Variants in WASHC5 observed in about 807,000 individuals in gnomAD.
The protein encoded by WASHC5 is WASH complex subunit strumpellin.
Under a neutral mutation model 150.4 loss-of-function variants are expected in WASHC5, and 101 were observed. That is an observed-to-expected ratio of 0.67 (90% CI 0.57 to 0.79). The LOEUF (loss-of-function observed/expected upper bound fraction) is 0.79, where lower values mean the gene tolerates loss of function less well. Among genes scored for constraint, WASHC5 ranks in the 30% least tolerant of loss-of-function variants. WASHC5 has a pLI of 0.00. For synonymous variants in WASHC5, 467 were observed against 491.2 expected (o/e 0.95, Z 0.65); for missense variants, 1,195 against 1,396.3 (o/e 0.86, Z 2.30).
At chr8:125,025,631 T>A (rs534710392) in intron 28 of WASHC5, among the ~76,000 whole-genome samples, 1 of 152,188 alleles carries the variant, frequency 6.6e-6, no homozygotes, top group Admixed American at 6.5e-5. Context: ...GAGGCTGTAG[T>A]GAGCCCAGAT....
At chr8:125,084,053 A>C in intron 1 of WASHC5, 31 bp from the exon 2 acceptor site, 1 of 727,838 alleles carries the variant, frequency 1.4e-6, no homozygotes, top group Non-Finnish European at 2.4e-6. Context: ...TGAAAATCTC[A>C]ATTTGTTTAA....
intron 8 of WASHC5, 73 bp from the exon 9 acceptor site, chr8:125,073,397 T>C: frequency 8.0e-7 from 1 of 1,249,942 alleles, no homozygotes; most frequent in South Asian, 1.2e-5. Context: ...TCAAATGAAT[T>C]CACTGACAAA....
intron 1 of WASHC5, among the ~76,000 whole-genome samples, chr8:125,089,823 A>C (rs1468761030): frequency 6.6e-6 from 1 of 152,242 alleles, no homozygotes; most frequent in Non-Finnish European, 1.5e-5. Context: ...CTTTAAAAGA[A>C]CATGAGGAGG....
intron 1 of WASHC5, among the ~76,000 whole-genome samples, chr8:125,087,621 G>A (rs1211128359): frequency 6.6e-6 from 1 of 151,628 alleles, no homozygotes; most frequent in Non-Finnish European, 1.5e-5. Context: ...TAGTCCCAGT[G>A]ACAAGGGAGG....
chr8:125,057,719 A>C, intron 14 of WASHC5, 53 bp from the exon 15 acceptor site: 1 of 1,154,670 alleles, frequency 8.7e-7, no homozygotes, highest in South Asian at 1.3e-5. Flanking sequence ...AGTCCTAGAA[A>C]TCTTTCTTTC....
intron 1 of WASHC5, among the ~76,000 whole-genome samples, chr8:125,086,178 T>C (rs77909072): frequency 0.027 from 4,111 of 152,278 alleles, 205 homozygotes; most frequent in African/African-American, 0.095. Flanking sequence ...ACCACATTTA[T>C]TTTGTCACAA....
intron 1 of WASHC5, among the ~76,000 whole-genome samples, chr8:125,090,091 G>A (rs1259057495): frequency 1.3e-5 from 2 of 152,204 alleles, no homozygotes; most frequent in Non-Finnish European, 2.9e-5. Context: ...GATGGAAGAA[G>A]TTAAAACAAG....
chr8:125,037,713 A>T (rs1237347397), intron 25 of WASHC5, among the ~76,000 whole-genome samples: 1 of 151,850 alleles, frequency 6.6e-6, no homozygotes, highest in Non-Finnish European at 1.5e-5. Context: ...GAGAGAGAAG[A>T]GAGAGAGAGG....
At chr8:125,046,304 AG>A (rs142714589) in intron 20 of WASHC5, among the ~76,000 whole-genome samples, 6,503 of 152,236 alleles carry the variant, frequency 0.043, 441 homozygotes, top group African/African-American at 0.15. Context: ...AAGAAAAAGG[AG>A]GAAAACTGGC....
chr8:125,084,648 C>T (rs751292370), intron 1 of WASHC5, among the ~76,000 whole-genome samples: 10 of 152,228 alleles, frequency 6.6e-5, no homozygotes, highest in Non-Finnish European at 1.3e-4. Flanking sequence ...AATGCACTCT[C>T]TGAGGATGGT....
chr8:125,067,526 T>C, intron 10 of WASHC5, 66 bp downstream of exon 10: 1 of 1,383,100 alleles, frequency 7.2e-7, no homozygotes, highest in Non-Finnish European at 1.0e-6. Context: ...CTAGTCTTTT[T>C]TTTAAAAAAT....
rs1212332430 is a variant in WASHC5, at chr8:125,037,255, G to A, written c.3163C>T (p.Gln1055Ter). ...TACGTACCCAGATTTTTGTTGTATT[G>A]AAGTTTTGGCAACTGAGCGATCAAA... ...LFLIAQLPKL[Q>*]YNKNLGMVCR... The change falls in exon 26 of 29, where the codon CAA becomes TAA. Residue 1055 changes from glutamine (Q) to a stop codon, truncating the protein, a stop_gained. Coordinates refer to ENST00000318410, the MANE Select transcript of WASHC5 (RefSeq NM_014846.4). LOFTEE classifies it high-confidence loss of function. 3.1e-6 allele frequency: 5 copies of A among 1,604,934 alleles called. No homozygotes were observed. In the Admixed American group the frequency reaches 6.7e-5, roughly 21 times the overall value.
chr8:125,076,963 G>A (rs1053137869), intron 6 of WASHC5, among the ~76,000 whole-genome samples: 1 of 151,970 alleles, frequency 6.6e-6, no homozygotes, highest in Non-Finnish European at 1.5e-5. Flanking sequence ...CCAATTCAAC[G>A]GCTTCTTTTT....
At chr8:125,048,129 G>A (rs887348150) in intron 19 of WASHC5, among the ~76,000 whole-genome samples, 1 of 152,170 alleles carries the variant, frequency 6.6e-6, no homozygotes, top group Non-Finnish European at 1.5e-5. Flanking sequence ...GGTGACAAAC[G>A]AGAAGCGAGA....
At chr8:125,058,473 G>A (rs1179208538) in intron 14 of WASHC5, among the ~76,000 whole-genome samples, 4 of 152,082 alleles carry the variant, frequency 2.6e-5, no homozygotes, top group Admixed American at 1.3e-4. Context: ...TAGGCTGGGC[G>A]TGGGGGCTCA....
chr8:125,024,938 T>C (rs1441614349), intron 28 of WASHC5, among the ~76,000 whole-genome samples: 3 of 151,996 alleles, frequency 2.0e-5, no homozygotes, highest in Non-Finnish European at 4.4e-5. Context: ...TAAAGGTACC[T>C]TGATCTGCGA....
chr8:125,070,329 TCTGATAAATTACGACC>T (rs747423536), intron 9 of WASHC5, among the ~76,000 whole-genome samples: 54 of 152,364 alleles, frequency 3.5e-4, no homozygotes, highest in Non-Finnish European at 6.5e-4. Flanking sequence ...ATCATTTGTT[TCTGATAAATTACGACC>T]CTGTGCAATC....
At chr8:125,046,017 T>C (rs1490505403) in intron 20 of WASHC5, among the ~76,000 whole-genome samples, 3 of 152,220 alleles carry the variant, frequency 2.0e-5, no homozygotes. Flanking sequence ...AATTTTGGAA[T>C]AAGGTTATGC....
In WASHC5 at chr8:125,057,621, T is replaced by C. The variant is rs752001123; in HGVS notation, c.1810A>G (p.Asn604Asp). The change falls in exon 15 of 29, where the codon AAT becomes GAT. Residue 604 changes from asparagine to aspartate, a missense_variant. Physicochemically the swap from Asn to Asp is conservative, Grantham distance 23 (BLOSUM62 1). Transcript: ENST00000318410. ...GACACGCTGAGCAGGTCGGGGCTAT[T>C]TGCCTGATTAATACGAAGAAGGGGC... ...DLPLLRINQANSPDLLSVSQY... is the reference protein window; with the variant it reads ...DLPLLRINQADSPDLLSVSQY... The C allele has an allele frequency of 1.4e-5, 22 of 1,613,884 alleles. No homozygotes were observed. Among genetic ancestry groups the C allele is most frequent in the Admixed American group, 6.7e-5 (4 of 59,978 alleles).
Sources: gnomAD v4.1 joint callset for allele counts (sites outside exome capture counted in the v4.1 genomes callset) on GRCh38, gnomAD v4.1.1 for gene constraint, MANE v1.5 for transcripts, NCBI Gene and HGNC (gene_info 2026-07-23, HGNC 2026-07-21) for gene names.